RYR2: variants seen among roughly 807,000 people sequenced by gnomAD.
RYR2 encodes ryanodine receptor 2.
RYR2 carries 227 observed loss-of-function variants against 601.1 expected under a neutral mutation model. That is an observed-to-expected ratio of 0.38 (90% CI 0.34 to 0.42). RYR2 has a LOEUF of 0.42. Ranked by LOEUF, RYR2 falls within the 10% of genes least tolerant of loss-of-function variation. RYR2 has a pLI of 1.00. For synonymous variants in RYR2, 2,223 were observed against 2,175.1 expected, an observed-to-expected ratio of 1.02 and a Z score of -0.61; for missense variants, 4,646 against 6,156.5, an observed-to-expected ratio of 0.75 and a Z score of 8.21.
chr1:237,776,889 T>C (rs1009536895), intron 87 of RYR2, among the ~76,000 whole-genome samples: 3 of 152,208 alleles, frequency 2.0e-5, no homozygotes, highest in Non-Finnish European at 4.4e-5. Context: ...TTTAAAGTTA[T>C]TCAATCAGAC....
intron 89 of RYR2, among the ~76,000 whole-genome samples, chr1:237,781,967 G>A (rs1436180700): frequency 1.3e-5 from 2 of 152,088 alleles, no homozygotes; most frequent in African/African-American, 4.8e-5. Flanking sequence ...TCCATAATCA[G>A]TGGGGGTTTC....
chr1:237,210,663 G>T (rs1490286452), intron 1 of RYR2, among the ~76,000 whole-genome samples: 1 of 152,140 alleles, frequency 6.6e-6, no homozygotes, highest in Non-Finnish European at 1.5e-5. Flanking sequence ...ATCACTGGGT[G>T]CCGTGTGTTG....
At chr1:237,052,203 G>A (rs1661364605) in intron 1 of RYR2, among the ~76,000 whole-genome samples, 1 of 152,184 alleles carries the variant, frequency 6.6e-6, no homozygotes, top group African/African-American at 2.4e-5. Flanking sequence ...TTCCCGTAGA[G>A]TTCAGATGCT....
chr1:237,692,204 A>G (rs962756075), intron 63 of RYR2, among the ~76,000 whole-genome samples: 32 of 152,220 alleles, frequency 2.1e-4, no homozygotes, highest in African/African-American at 7.2e-4. Context: ...CATTCATTCA[A>G]TAAACATGTA....
At chr1:237,687,363 C>CTTCTTTTTTTTTTTTTTTTTTTTTTTT in intron 62 of RYR2, 92 bp from the exon 63 acceptor site, 2 of 452,442 alleles carry the variant, frequency 4.4e-6, no homozygotes, top group Admixed American at 5.9e-5. Flanking sequence ...CTTTTTTCTT[C>CTTCTTTTTTTTTTTTTTTTTTTTTTTT]TTCTTTTTTT....
intron 1 of RYR2, among the ~76,000 whole-genome samples, chr1:237,204,514 A>AAAT (rs1553341117): frequency 3.3e-5 from 5 of 151,644 alleles, no homozygotes; most frequent in African/African-American, 9.7e-5. Context: ...AAAAAAAAAA[A>AAAT]AAAAGAAAGA....
At chr1:237,535,484 T>TACACACACACACACAC (rs58146773) in intron 25 of RYR2, among the ~76,000 whole-genome samples, 1 of 144,638 alleles carries the variant, frequency 6.9e-6, no homozygotes, top group African/African-American at 2.6e-5. Context: ...CAAACACACA[T>TACACACACACACACAC]ACACACACAC....
At position 237,610,404 on chromosome 1, in the gene RYR2, C is replaced by T. The variant is rs1367024410; in HGVS notation, c.4684-358C>T. 6.6e-6 allele frequency among the ~76,000 whole-genome samples: 1 copy of T among 152,108 alleles called. No individual in the cohort carries two copies. The highest frequency in any genetic ancestry group is 2.4e-5 in the African/African-American group (1 of 41,432). On this transcript the variant is annotated intron_variant, in intron 35 of 104. Transcript: ENST00000366574. The surrounding 1 kb of genome is among the most constrained non-coding windows in gnomAD (Gnocchi z 4.9). Reference sequence around the variant, plus strand: ...TATCTGTCATTCAGGAAGTTTGGCACTGAAAGTCCCTAAAGACTTGCCAGC... The same window carrying T: ...TATCTGTCATTCAGGAAGTTTGGCATTGAAAGTCCCTAAAGACTTGCCAGC...
chr1:237,340,654 T>C (rs1192940293), intron 3 of RYR2, among the ~76,000 whole-genome samples: 2 of 152,210 alleles, frequency 1.3e-5, no homozygotes, highest in African/African-American at 4.8e-5. Context: ...ACCTACCTAT[T>C]GAAGAACATC....
chr1:237,044,917 G>A (rs1660379343), intron 1 of RYR2, among the ~76,000 whole-genome samples: 1 of 149,934 alleles, frequency 6.7e-6, no homozygotes, highest in African/African-American at 2.5e-5. Context: ...TCTCTGTCAT[G>A]TGCAAGCTTG....
chr1:237,607,007 A>T (rs937119898), intron 35 of RYR2, among the ~76,000 whole-genome samples: 8 of 152,224 alleles, frequency 5.3e-5, no homozygotes, highest in African/African-American at 9.6e-5. Flanking sequence ...ATTGTGGAAG[A>T]CAGTGTGGCG....
At chr1:237,144,853 C>T (rs1292666911) in intron 1 of RYR2, among the ~76,000 whole-genome samples, 1 of 152,142 alleles carries the variant, frequency 6.6e-6, no homozygotes, top group South Asian at 2.1e-4. Context: ...ACGAGTGAAA[C>T]ATGCATCCAA....
chr1:237,142,425 A>G (rs952671393), intron 1 of RYR2, among the ~76,000 whole-genome samples: 1 of 152,246 alleles, frequency 6.6e-6, no homozygotes, highest in Non-Finnish European at 1.5e-5. Context: ...CTCATGCTCC[A>G]TTTATCTAAG....
intron 1 of RYR2, among the ~76,000 whole-genome samples, chr1:237,247,262 C>G (rs984239015): frequency 6.6e-6 from 1 of 152,138 alleles, no homozygotes; most frequent in Admixed American, 6.5e-5. Context: ...TAAGCTCGTG[C>G]AAAAATAATT....
Position 237,550,645 on chromosome 1 carries a change from G to A in RYR2, c.3168G>A (p.Thr1056=), listed in dbSNP as rs1183058696. 7 of 1,576,902 alleles carry A rather than the reference G, an allele frequency of 4.4e-6. No homozygotes were observed. Among genetic ancestry groups the A allele is most frequent in the Middle Eastern group, 1.7e-4 (1 of 6,012 alleles). ...ACAGCCTCCGCGAGGCTGTGCGCAC[G>A]CTGCTGGGGTACGGCTACAACTTGG... ...NKDSLREAVR[T]LLGYGYNLEA... is the part of the protein sequence containing the mutation. Residue 1056 remains threonine (T), a synonymous_variant, in exon 27 of 105, where the codon ACG becomes ACA. Coordinates refer to ENST00000366574, the MANE Select transcript of RYR2 (RefSeq NM_001035.3).
intron 12 of RYR2, among the ~76,000 whole-genome samples, chr1:237,432,578 T>A (rs1348941621): frequency 6.6e-6 from 1 of 152,176 alleles, no homozygotes; most frequent in African/African-American, 2.4e-5. Flanking sequence ...GCTCATGTCC[T>A]AACTTGAGCT....
At chr1:237,061,495 A>G (rs1282771841) in intron 1 of RYR2, among the ~76,000 whole-genome samples, 3 of 152,126 alleles carry the variant, frequency 2.0e-5, no homozygotes, top group South Asian at 2.1e-4. Context: ...AATTTTTTGT[A>G]GAGATGAGGT....
At chr1:237,148,533 T>TACACACACAC (rs1171624880) in intron 1 of RYR2, among the ~76,000 whole-genome samples, 1 of 116,742 alleles carries the variant, frequency 8.6e-6, no homozygotes, top group African/African-American at 4.0e-5. Flanking sequence ...AAAAAATATA[T>TACACACACAC]ATATATATAT....
At chr1:237,265,653 A>G (rs540507677) in intron 1 of RYR2, among the ~76,000 whole-genome samples, 1 of 152,226 alleles carries the variant, frequency 6.6e-6, no homozygotes, top group South Asian at 2.1e-4. Flanking sequence ...TTATCTTTAG[A>G]GCAATTGGAA....
Sources: allele counts gnomAD v4.1 joint callset (sites outside exome capture counted in the v4.1 genomes callset), GRCh38; gene constraint gnomAD v4.1.1; non-coding constraint Gnocchi (gnomAD v3.1); transcripts MANE v1.5; gene names NCBI Gene and HGNC (gene_info 2026-07-23, HGNC 2026-07-21).